KCNH8: variants seen among roughly 807,000 people sequenced by gnomAD.
KCNH8 encodes the protein voltage-gated delayed rectifier potassium channel KCNH8.
In KCNH8, 70 loss-of-function variants were observed where a neutral mutation model predicts 103.6. The observed-to-expected ratio is 0.68, with a 90% CI of 0.56 to 0.82. KCNH8 has a LOEUF of 0.82. Ranked by LOEUF, KCNH8 falls within the 40% of genes least tolerant of loss-of-function variation. The probability of loss-of-function intolerance (pLI) is 0.00; values close to 1 mark genes in which losing one functional copy is unlikely to be tolerated. For synonymous variants in KCNH8, 498 were observed against 489.4 expected (o/e 1.02, Z -0.23); for missense variants, 1,217 against 1,329.9 (o/e 0.92, Z 1.32).
At chr3:19,442,948 G>C (rs892265678) in intron 8 of KCNH8, among the ~76,000 whole-genome samples, 4 of 151,962 alleles carry the variant, frequency 2.6e-5, no homozygotes, top group African/African-American at 9.7e-5. Context: ...TAAGGCAGAA[G>C]AGATTTAGTG....
intron 3 of KCNH8, among the ~76,000 whole-genome samples, chr3:19,326,903 GCTTGGAA>G (rs765524411): frequency 6.8e-4 from 104 of 152,272 alleles, no homozygotes; most frequent in Admixed American, 3.0e-3. Context: ...GCTGCTATCA[GCTTGGAA>G]CTTGGCTGGG....
At chr3:19,405,836 T>C (rs1343696312) in intron 7 of KCNH8, among the ~76,000 whole-genome samples, 1 of 151,944 alleles carries the variant, frequency 6.6e-6, no homozygotes, top group Non-Finnish European at 1.5e-5. Flanking sequence ...TCTTACTGAG[T>C]TTCAATCCTT....
At chr3:19,386,048 G>A (rs968116064) in intron 5 of KCNH8, among the ~76,000 whole-genome samples, 1 of 151,986 alleles carries the variant, frequency 6.6e-6, no homozygotes, top group African/African-American at 2.4e-5. Flanking sequence ...ACTAATTTTT[G>A]CCATATTAAA....
chr3:19,291,728 G>A (rs2064930128), intron 3 of KCNH8, among the ~76,000 whole-genome samples: 1 of 152,154 alleles, frequency 6.6e-6, no homozygotes, highest in Admixed American at 6.6e-5. Context: ...CTGTTGATTT[G>A]GGGTGGAGAG....
chr3:19,505,350 T>A (rs1012307453), intron 11 of KCNH8, among the ~76,000 whole-genome samples: 1 of 151,916 alleles, frequency 6.6e-6, no homozygotes, highest in African/African-American at 2.4e-5. Context: ...ATATAATAGG[T>A]ACTAGGCTTA....
intron 3 of KCNH8, among the ~76,000 whole-genome samples, chr3:19,287,346 T>C (rs962656028): frequency 2.0e-5 from 3 of 152,126 alleles, no homozygotes; most frequent in Non-Finnish European, 4.4e-5. Context: ...TTGGGTTTTT[T>C]AATTGAAAGA....
intron 11 of KCNH8, among the ~76,000 whole-genome samples, chr3:19,508,233 G>C (rs1179020095): frequency 6.6e-6 from 1 of 152,074 alleles, no homozygotes; most frequent in Non-Finnish European, 1.5e-5. Context: ...GCCAGATTTT[G>C]GTACTAGGCT....
At chr3:19,273,379 C>G (rs895111759) in intron 2 of KCNH8, among the ~76,000 whole-genome samples, 1 of 152,164 alleles carries the variant, frequency 6.6e-6, no homozygotes, top group African/African-American at 2.4e-5. Context: ...AATCATGAAA[C>G]CAAACCTGTC....
chr3:19,278,163 G>A (rs2125271940), intron 2 of KCNH8, among the ~76,000 whole-genome samples: 1 of 152,200 alleles, frequency 6.6e-6, no homozygotes, highest in South Asian at 2.1e-4. Flanking sequence ...GGGCTTGCTG[G>A]AAAGATTTAG....
intron 15 of KCNH8, among the ~76,000 whole-genome samples, chr3:19,524,338 C>A (rs183241866): frequency 1.3e-5 from 2 of 151,770 alleles, no homozygotes; most frequent in African/African-American, 4.8e-5. Flanking sequence ...TGACCTAGAA[C>A]GACAAAATTC....
chr3:19,523,166 A>G (rs1454622454), intron 15 of KCNH8, among the ~76,000 whole-genome samples: 1 of 151,898 alleles, frequency 6.6e-6, no homozygotes. Context: ...TGAGTCCAAA[A>G]GAAAGGCCTC....
chr3:19,414,588 C>T (rs1271663895), intron 7 of KCNH8, among the ~76,000 whole-genome samples: 3 of 151,848 alleles, frequency 2.0e-5, no homozygotes, highest in African/African-American at 7.2e-5. Flanking sequence ...GAAATACACA[C>T]ACAAAAGGAT....
intron 11 of KCNH8, among the ~76,000 whole-genome samples, chr3:19,473,675 A>C (rs1321864630): frequency 6.6e-6 from 1 of 152,200 alleles, no homozygotes; most frequent in Non-Finnish European, 1.5e-5. Context: ...AGGTCTTCTT[A>C]TTAGTGGAAA....
chr3:19,275,506 C>G (rs1269899776), intron 2 of KCNH8, among the ~76,000 whole-genome samples: 2 of 152,066 alleles, frequency 1.3e-5, no homozygotes, highest in Non-Finnish European at 2.9e-5. Flanking sequence ...GACGTAAATT[C>G]AGTGAGGACT....
intron 5 of KCNH8, among the ~76,000 whole-genome samples, chr3:19,376,945 A>C (rs1273821156): frequency 2.6e-5 from 4 of 152,220 alleles, no homozygotes; most frequent in South Asian, 4.1e-4. Flanking sequence ...GGTACACAGC[A>C]ATGCTGTGCA....
At chr3:19,316,354 G>T (rs998707528) in intron 3 of KCNH8, among the ~76,000 whole-genome samples, 3 of 151,910 alleles carry the variant, frequency 2.0e-5, no homozygotes, top group African/African-American at 7.2e-5. Context: ...TATCCCCTTA[G>T]TGGTAAAATC....
At chr3:19,469,218 C>T (rs1344748728) in intron 11 of KCNH8, among the ~76,000 whole-genome samples, 1 of 152,176 alleles carries the variant, frequency 6.6e-6, no homozygotes, top group African/African-American at 2.4e-5. Flanking sequence ...TTTACCATGT[C>T]AGCTTTCCTT....
chr3:19,349,464 C>T (rs991942079), intron 5 of KCNH8, among the ~76,000 whole-genome samples: 1 of 152,066 alleles, frequency 6.6e-6, no homozygotes, highest in African/African-American at 2.4e-5. Flanking sequence ...GCTAAGCCTT[C>T]GTTTTTTGTA....
At chr3:19,495,358 G>C (rs1420078339) in intron 11 of KCNH8, among the ~76,000 whole-genome samples, 1 of 152,026 alleles carries the variant, frequency 6.6e-6, no homozygotes, top group African/African-American at 2.4e-5. Context: ...AATTCATCTT[G>C]AGTTAACTTT....
Sources: allele counts gnomAD v4.1 joint callset (sites outside exome capture counted in the v4.1 genomes callset), GRCh38; gene constraint gnomAD v4.1.1; transcripts MANE v1.5; gene names NCBI Gene and HGNC (gene_info 2026-07-23, HGNC 2026-07-21).